Variants in NUP98 observed in about 807,000 individuals in gnomAD.
The protein encoded by NUP98 is nuclear pore complex protein Nup98-Nup96.
In NUP98, 26 loss-of-function variants were observed where a neutral mutation model predicts 191.9. The observed-to-expected ratio is 0.14, with a 90% CI of 0.10 to 0.19. The LOEUF is 0.19. Among genes scored for constraint, NUP98 ranks in the 10% least tolerant of loss-of-function variants. The pLI is 1.00. For missense variants in NUP98, 1,941 were observed against 2,178.8 expected, an observed-to-expected ratio of 0.89 and a Z score of 2.17; for synonymous variants, 808 against 778.4, an observed-to-expected ratio of 1.04 and a Z score of -0.63.
intron 15 of NUP98, among the ~76,000 whole-genome samples, chr11:3,724,448 A>T (rs1374892476): frequency 1.4e-5 from 2 of 143,814 alleles, no homozygotes; most frequent in African/African-American, 5.2e-5. Context: ...AAAAAAAAAA[A>T]TAAATAAATA....
At chr11:3,687,797 C>T (rs1241101138) in intron 28 of NUP98, among the ~76,000 whole-genome samples, 1 of 152,218 alleles carries the variant, frequency 6.6e-6, no homozygotes, top group Non-Finnish European at 1.5e-5. Context: ...TGCGGTGGCT[C>T]ACGCCTGTAA....
intron 1 of NUP98, among the ~76,000 whole-genome samples, chr11:3,794,413 C>A (rs1352853923): frequency 6.6e-6 from 1 of 152,182 alleles, no homozygotes; most frequent in East Asian, 1.9e-4. Context: ...CTCCGCCTCC[C>A]GAGTTCAAGC....
At chr11:3,679,940 A>G (rs564449450) in intron 30 of NUP98, among the ~76,000 whole-genome samples, 1 of 152,384 alleles carries the variant, frequency 6.6e-6, no homozygotes, top group Non-Finnish European at 1.5e-5. Flanking sequence ...TGGATATAAA[A>G]GTTATGTTTA....
chr11:3,733,546 A>G lies in NUP98; in HGVS notation c.1542+1645T>C, dbSNP rs193026545. Among the ~76,000 whole-genome samples, 3 of 152,272 alleles carry G rather than the reference A, an allele frequency of 2.0e-5. No homozygotes were observed. The East Asian group carries it at 5.8e-4, about 29-fold the overall frequency. ...AGGCTGGTCTTGAACTCCTGAACTCAGGTGATCTCCCCACCTCGGCCTCCC... is the reference window on the plus strand; with the variant it reads ...AGGCTGGTCTTGAACTCCTGAACTCGGGTGATCTCCCCACCTCGGCCTCCC... On this transcript the variant is annotated intron_variant, in intron 13 of 32. Coordinates refer to ENST00000324932, the MANE Select transcript of NUP98 (RefSeq NM_016320.5).
At chr11:3,702,950 T>C in intron 22 of NUP98, 58 bp from the exon 23 acceptor site, 2 of 1,363,634 alleles carry the variant, frequency 1.5e-6, no homozygotes, top group Non-Finnish European at 1.0e-6. Context: ...AGCTATTGTT[T>C]CTTGAACAAT....
intron 2 of NUP98, among the ~76,000 whole-genome samples, chr11:3,779,612 G>A (rs2081880744): frequency 6.8e-6 from 1 of 147,840 alleles, no homozygotes; most frequent in East Asian, 2.0e-4. Flanking sequence ...CTGCACTCCA[G>A]CCGGGGCAAC....
At chr11:3,772,361 A>T (rs187066022) in intron 6 of NUP98, among the ~76,000 whole-genome samples, 7 of 152,228 alleles carry the variant, frequency 4.6e-5, no homozygotes, top group African/African-American at 1.7e-4. Context: ...GGCACAGCCC[A>T]ATAAAGTAAG....
chr11:3,727,916 G>C (rs984924989), intron 14 of NUP98, among the ~76,000 whole-genome samples: 11 of 151,996 alleles, frequency 7.2e-5, no homozygotes, highest in African/African-American at 2.7e-4. Flanking sequence ...CCAGCTACTC[G>C]GGAGGCCAAG....
intron 1 of NUP98, among the ~76,000 whole-genome samples, chr11:3,785,939 A>G (rs2082126762): frequency 1.3e-5 from 2 of 152,142 alleles, no homozygotes; most frequent in Non-Finnish European, 2.9e-5. Flanking sequence ...ATCCTTTCAA[A>G]TATGTTAAAC....
intron 1 of NUP98, among the ~76,000 whole-genome samples, chr11:3,785,753 T>C (rs2063304836): frequency 1.3e-5 from 2 of 152,194 alleles, no homozygotes; most frequent in South Asian, 4.1e-4. Flanking sequence ...AGTGAGACTC[T>C]GTCTCAACAA....
intron 29 of NUP98, among the ~76,000 whole-genome samples, chr11:3,683,769 C>T (rs1203811732): frequency 6.6e-6 from 1 of 151,948 alleles, no homozygotes; most frequent in Non-Finnish European, 1.5e-5. Context: ...AACTCCCAAC[C>T]TCAGGTGATC....
chr11:3,715,790 A>AT (rs34966066), intron 18 of NUP98, among the ~76,000 whole-genome samples: 95,323 of 151,276 alleles, frequency 0.63, 31,584 homozygotes, highest in African/African-American at 0.86. Flanking sequence ...ACTACTTAAA[A>AT]TTTTTTTTTG....
chr11:3,784,778 T>C (rs780126278), intron 1 of NUP98, among the ~76,000 whole-genome samples: 4 of 150,756 alleles, frequency 2.7e-5, no homozygotes, highest in Non-Finnish European at 4.4e-5. Context: ...TCTAGAAATA[T>C]TGAACAAAAA....
intron 7 of NUP98, among the ~76,000 whole-genome samples, chr11:3,771,155 A>G (rs2133903911): frequency 6.6e-6 from 1 of 152,148 alleles, no homozygotes; most frequent in African/African-American, 2.4e-5. Context: ...GAGCCACCAC[A>G]CTTGGCCTCT....
chr11:3,677,435 A>AG (rs1220218214), intron 31 of NUP98, among the ~76,000 whole-genome samples: 1 of 136,214 alleles, frequency 7.3e-6, no homozygotes, highest in Non-Finnish European at 1.6e-5. Flanking sequence ...TTTTGGGAGA[A>AG]GGGGGGTCTC....
intron 31 of NUP98, among the ~76,000 whole-genome samples, chr11:3,678,347 A>C (rs777037718): frequency 6.6e-6 from 1 of 152,216 alleles, no homozygotes. Flanking sequence ...AATTGAATCT[A>C]TAAGTCTGCT....
At chr11:3,787,996 A>C (rs1369234187) in intron 1 of NUP98, among the ~76,000 whole-genome samples, 3 of 152,134 alleles carry the variant, frequency 2.0e-5, no homozygotes, top group African/African-American at 7.2e-5. Flanking sequence ...ATCTCAAAAA[A>C]AATAAAACAC....
chr11:3,700,967 A>C, intron 23 of NUP98, 128 bp from the exon 24 acceptor site: 1 of 698,942 alleles, frequency 1.4e-6, no homozygotes, highest in Non-Finnish European at 2.4e-6. Context: ...TGTAGTTTTA[A>C]AGAAATTTTG....
chr11:3,723,202 C>T lies in NUP98; in HGVS notation c.2101G>A (p.Asp701Asn). Residue 701 changes from aspartate (D) to asparagine (N), a missense_variant, in exon 16 of 33, where the codon GAC becomes AAC. Coordinates refer to ENST00000324932, the MANE Select transcript of NUP98 (RefSeq NM_016320.5). ...TSFHDESLQD[D>N]REEIENNSYH... Reference sequence around the variant, plus strand: ...GAATTATTTTCTATTTCTTCTCGGTCATCCTGAAGTGACTCATCATGAAAA... The same window carrying T: ...GAATTATTTTCTATTTCTTCTCGGTTATCCTGAAGTGACTCATCATGAAAA... 6.2e-7 allele frequency: 1 copy of T among 1,614,122 alleles called. No individual in the cohort carries two copies. The highest frequency in any genetic ancestry group is 1.3e-5 in the African/African-American group (1 of 75,040).
Sources: gnomAD v4.1 joint callset for allele counts (sites outside exome capture counted in the v4.1 genomes callset) on GRCh38, gnomAD v4.1.1 for gene constraint, MANE v1.5 for transcripts, NCBI Gene and HGNC (gene_info 2026-07-23, HGNC 2026-07-21) for gene names.